The following NRAP variants were observed in gnomAD, a reference collection of about 807,000 sequenced individuals.
The protein encoded by NRAP is nebulin-related-anchoring protein.
Under a neutral mutation model 225.9 loss-of-function variants are expected in NRAP, and 189 were observed. That is an observed-to-expected ratio of 0.84 (90% CI 0.74 to 0.94). The LOEUF (loss-of-function observed/expected upper bound fraction) is 0.94, where lower values mean the gene tolerates loss of function less well. NRAP is among the 40% of genes least tolerant of loss of function. NRAP has a pLI of 0.00. For missense variants in NRAP, 2,176 were observed against 2,168.7 expected (o/e 1.00, Z -0.07); for synonymous variants, 769 against 790.7 (o/e 0.97, Z 0.46).
rs367916727 is a variant in NRAP, at chr10:113,652,919, G to A, written c.570+16C>T. 3.8e-6 allele frequency: 6 copies of A among 1,567,476 alleles called. No homozygotes were observed. In the African/African-American group the frequency reaches 8.1e-5, roughly 21 times the overall value. On this transcript the variant is annotated intron_variant, in intron 6 of 41. Coordinates refer to ENST00000359988, the MANE Select transcript of NRAP (RefSeq NM_198060.4). ...AATTAGCATAATCAATGGTGAAAAAGCACCCAGGCACTCACTTGGCTGGCC... is the reference window on the plus strand; with the variant it reads ...AATTAGCATAATCAATGGTGAAAAAACACCCAGGCACTCACTTGGCTGGCC...
intron 3 of NRAP, among the ~76,000 whole-genome samples, chr10:113,659,396 A>T (rs989854417): frequency 2.0e-5 from 3 of 152,196 alleles, no homozygotes; most frequent in Non-Finnish European, 4.4e-5. Flanking sequence ...GTTGGGGGGA[A>T]CTGCCCTCCT....
chr10:113,589,488 CGT>C, intron 41 of NRAP, 176 bp downstream of exon 41: 1 of 689,290 alleles, frequency 1.5e-6, no homozygotes, highest in Non-Finnish European at 2.4e-6. Context: ...GTTTAACCTG[CGT>C]GTCATCTGCC....
At chr10:113,610,354 TA>T (rs35334254) in intron 31 of NRAP, 104 bp downstream of exon 31, 86,283 of 393,238 alleles carry the variant, frequency 0.22, 29 homozygotes, top group South Asian at 0.25. Context: ...CATCTCAAAT[TA>T]AAAAAAAAAA....
chr10:113,620,733 A>G lies in NRAP; in HGVS notation c.2770-25T>C, dbSNP rs747416782. On this transcript the variant is annotated intron_variant, in intron 24 of 41. Transcript: ENST00000359988. ...TCTGACAAAGGAGAAAGAAAAAAAA[A>G]AAAAGCAGGCCATTGTTGGTGCACA... 29 of 1,536,298 alleles carry G rather than the reference A, an allele frequency of 1.9e-5. 1 individual carries two copies. Among genetic ancestry groups the G allele is most frequent in the Non-Finnish European group, 2.5e-5 (28 of 1,113,448 alleles).
intron 35 of NRAP, among the ~76,000 whole-genome samples, chr10:113,599,339 C>T (rs1248009237): frequency 3.3e-5 from 5 of 152,180 alleles, no homozygotes; most frequent in Non-Finnish European, 7.4e-5. Context: ...GGTTTCAAAA[C>T]CCCATGTCAG....
chr10:113,598,751 G>A (rs919172047), intron 35 of NRAP, among the ~76,000 whole-genome samples: 6 of 152,138 alleles, frequency 3.9e-5, no homozygotes, highest in Non-Finnish European at 7.4e-5. Flanking sequence ...CATTTTAACC[G>A]CTTCATGCCT....
chr10:113,644,960 A>T (rs3121474), intron 11 of NRAP, among the ~76,000 whole-genome samples: 1 of 152,206 alleles, frequency 6.6e-6, no homozygotes, highest in South Asian at 2.1e-4. Flanking sequence ...ACACTAGGGC[A>T]TGAGAAGGAT....
At chr10:113,630,326 T>C (rs1429543017) in intron 18 of NRAP, among the ~76,000 whole-genome samples, 2 of 152,102 alleles carry the variant, frequency 1.3e-5, no homozygotes, top group Non-Finnish European at 2.9e-5. Flanking sequence ...GTGGTGATGA[T>C]GATGATAGTG....
chr10:113,662,625 C>A, intron 3 of NRAP, 54 bp downstream of exon 3: 1 of 946,210 alleles, frequency 1.1e-6, no homozygotes, highest in Non-Finnish European at 1.7e-6. Flanking sequence ...TGTTTCTACC[C>A]AGTAACCAAT....
At position 113,600,155 on chromosome 10, in the gene NRAP, TTCTCTCTC is replaced by T. The variant is rs10529111; in HGVS notation, c.4228-2090_4228-2083del. 1.5e-3 allele frequency among the ~76,000 whole-genome samples: 215 copies of T among 140,222 alleles called. 1 individual carries two copies. Among genetic ancestry groups the T allele is most frequent in the African/African-American group, 4.0e-3 (149 of 37,182 alleles). 92.0% of individuals were successfully genotyped at this position (140,222 alleles called of 152,430 possible). A position where few individuals can be genotyped will look rare whatever the true frequency, so the allele number is the denominator to read the frequency against. On this transcript the variant is annotated intron_variant, in intron 35 of 41. Transcript: ENST00000359988. The stretch of plus-strand genomic sequence containing the variant: ...ACCATCCTGCAAAGAAGGGGTTATA[TTCTCTCTC>T]TCTCTCTCTCTCTCTCTCTCTCTCT...
At position 113,629,658 on chromosome 10, in the gene NRAP, T is replaced by G. The variant is rs1455579422; in HGVS notation, c.1970A>C (p.His657Pro). The G allele has an allele frequency of 6.2e-7, 1 of 1,614,132 alleles. No individual in the cohort carries two copies. Among genetic ancestry groups the G allele is most frequent in the East Asian group, 2.2e-5 (1 of 44,884 alleles). The change falls in exon 19 of 42, where the codon CAT becomes CCT. Residue 657 changes from histidine to proline, a missense_variant. His to Pro is a moderately conservative substitution (Grantham distance 77). Coordinates refer to ENST00000359988, the MANE Select transcript of NRAP (RefSeq NM_198060.4). The stretch of plus-strand genomic sequence containing the variant: ...ATCTTCAGGCAGCACAGTGTATTCA[T>G]GCAGTTTCTTCCTGTAGTCCAGGTC... ...ASDLDYRKKL[H>P]EYTVLPEDMK...
intron 35 of NRAP, among the ~76,000 whole-genome samples, chr10:113,602,655 ATG>A (rs1846675205): frequency 6.6e-6 from 1 of 152,366 alleles, no homozygotes; most frequent in African/African-American, 2.4e-5. Flanking sequence ...ATAATTGATT[ATG>A]TGTTTAGAAT....
Position 113,589,039 on chromosome 10 carries a change from C to T in NRAP, c.5129G>A (p.Gly1710Glu). 1 of 1,614,070 alleles carries T rather than the reference C, an allele frequency of 6.2e-7. No homozygotes were observed. The highest frequency in any genetic ancestry group is 8.5e-7 in the Non-Finnish European group (1 of 1,180,010). Residue 1710 changes from glycine (G) to glutamate (E), a missense_variant, in exon 42 of 42, where the codon GGG becomes GAG. Around this residue, in one of 3 missense-constraint regions of NRAP, gnomAD observed 445 missense variants for 426.1 expected, o/e 1.04. Coordinates refer to ENST00000359988, the MANE Select transcript of NRAP (RefSeq NM_198060.4). ...CTCAGTGGCATCTGGGTTCACCTCC[C>T]CACTCTGATGATCTCCAGCCTCCAC... ...EAVEAGDHQS[G>E]EVNPDATEIL...
At chr10:113,655,024 C>T (rs148135781) in intron 4 of NRAP, among the ~76,000 whole-genome samples, 200 of 152,204 alleles carry the variant, frequency 1.3e-3, no homozygotes, top group African/African-American at 4.4e-3. Context: ...TGGAGGGGGG[C>T]AAGTTGGACA....
In NRAP at chr10:113,595,613, G is replaced by A. The variant is rs1346155784; in HGVS notation, c.4536+10C>T. ...TGGGCACACGTTCCATGAACCACCA[G>A]TTCACTTACGTCACTCAGATGCAGC... On this transcript the variant is annotated intron_variant, in intron 38 of 41. Coordinates refer to ENST00000359988, the MANE Select transcript of NRAP (RefSeq NM_198060.4). The A allele has an allele frequency of 6.4e-7, 1 of 1,562,132 alleles. No individual in the cohort carries two copies. Among genetic ancestry groups the A allele is most frequent in the Non-Finnish European group, 8.8e-7 (1 of 1,132,672 alleles).
At chr10:113,610,609 A>G (rs1847270467) in intron 30 of NRAP, 46 bp from the exon 31 acceptor site, 2 of 1,223,896 alleles carry the variant, frequency 1.6e-6, no homozygotes, top group African/African-American at 1.5e-5. Context: ...CCAAGCTCTC[A>G]GAACAGGGAA....
chr10:113,663,406 A>G lies in NRAP; in HGVS notation c.113T>C (p.Met38Thr), dbSNP rs1161392226. The change falls in exon 2 of 42, where the codon ATG becomes ACG. Residue 38 changes from methionine (M) to threonine (T), a missense_variant. By Grantham distance (81) the Met-to-Thr change is moderately conservative (BLOSUM62 -1). This residue lies in a region of NRAP where 1,708 missense variants were observed against 1,695.5 expected (regional missense o/e 1.01). Transcript: ENST00000359988. ...KACFHCEVCK[M>T]MLSVNNFVSH... ...CACAAAGTTATTAACAGACAGCATC[A>G]TCTTGCAAACTTCACAGTGAAAACA... 6.2e-7 allele frequency: 1 copy of G among 1,613,552 alleles called. No individual in the cohort carries two copies. The highest frequency in any genetic ancestry group is 8.5e-7 in the Non-Finnish European group (1 of 1,179,444).
At chr10:113,622,891 A>C (rs1030345175) in intron 23 of NRAP, among the ~76,000 whole-genome samples, 1 of 152,212 alleles carries the variant, frequency 6.6e-6, no homozygotes, top group Non-Finnish European at 1.5e-5. Flanking sequence ...TCACCAAGCC[A>C]GTTGTTTTTG....
At position 113,595,562 on chromosome 10, in the gene NRAP, A is replaced by G. The variant is rs973975758; in HGVS notation, c.4536+61T>C. The G allele has an allele frequency of 7.5e-6, 8 of 1,071,288 alleles. No homozygotes were observed. The Admixed American group carries it at 1.3e-4, about 17-fold the overall frequency. 66.4% of individuals were successfully genotyped at this position (1,071,288 alleles called of 1,614,324 possible). On this transcript the variant is annotated intron_variant, in intron 38 of 41. Coordinates refer to ENST00000359988, the MANE Select transcript of NRAP (RefSeq NM_198060.4). ...TTTTTTTTAAAAAAACGAAATCCAC[A>G]TTGGGCACAGATCATTTTACAAAAG...
Sources: allele counts gnomAD v4.1 joint callset (sites outside exome capture counted in the v4.1 genomes callset), GRCh38; gene constraint gnomAD v4.1.1; regional missense constraint gnomAD v4.1.1; transcripts MANE v1.5; gene names NCBI Gene and HGNC (gene_info 2026-07-23, HGNC 2026-07-21).